Variants in NRG3 observed in about 807,000 individuals in gnomAD.
NRG3 encodes the protein pro-neuregulin-3, membrane-bound isoform.
A neutral mutation model predicts 66.9 loss-of-function variants in NRG3; 31 were observed. The observed-to-expected ratio is 0.46, with a 90% CI of 0.35 to 0.63. The LOEUF is 0.63. NRG3 is among the 20% of genes least tolerant of loss of function. The pLI is 0.00. For synonymous variants in NRG3, 393 were observed against 359.4 expected (o/e 1.09, Z -1.06); for missense variants, 910 against 878.9 (o/e 1.04, Z -0.45).
At chr10:82,737,937 T>A (rs2058234086) in intron 2 of NRG3, among the ~76,000 whole-genome samples, 1 of 152,180 alleles carries the variant, frequency 6.6e-6, no homozygotes, top group African/African-American at 2.4e-5. Flanking sequence ...CACTTTGCAC[T>A]TGTTTACTGA....
intron 2 of NRG3, among the ~76,000 whole-genome samples, chr10:82,444,725 A>G (rs1187957704): frequency 6.6e-6 from 1 of 152,194 alleles, no homozygotes; most frequent in Non-Finnish European, 1.5e-5. Context: ...AAAAGTTTTC[A>G]TTGAAACTAT....
rs79703943 is a variant in NRG3 at position 82,483,277 on chromosome 10, A to G, written c.953+124409A>G. On this transcript the variant is annotated intron_variant, in intron 2 of 8. Transcript: ENST00000372141. ...ATGGAAAAGAAAACATGATTTGCAT[A>G]CAGAGTCAGGTGAGTGCAGTGGTGA... is the stretch of plus-strand genomic sequence containing the variant. Among the ~76,000 whole-genome samples the G allele has an allele frequency of 2.7e-3, 409 of 152,312 alleles. 1 individual carries two copies. Among genetic ancestry groups the G allele is most frequent in the African/African-American group, 9.4e-3 (390 of 41,576 alleles).
intron 1 of NRG3, among the ~76,000 whole-genome samples, chr10:82,260,095 A>G (rs2077945918): frequency 6.6e-6 from 1 of 152,248 alleles, no homozygotes; most frequent in African/African-American, 2.4e-5. Flanking sequence ...AAAGTTGCCT[A>G]GACAGGGTTG....
chr10:82,524,982 T>C (rs1306489131), intron 2 of NRG3, among the ~76,000 whole-genome samples: 1 of 151,926 alleles, frequency 6.6e-6, no homozygotes, highest in African/African-American at 2.4e-5. Flanking sequence ...ATGTGTTTAC[T>C]AATATGTTAG....
chr10:82,474,829 A>C (rs1381895233), intron 2 of NRG3, among the ~76,000 whole-genome samples: 1 of 152,170 alleles, frequency 6.6e-6, no homozygotes, highest in Non-Finnish European at 1.5e-5. Flanking sequence ...ACAAATTATA[A>C]TAAAAGTATT....
intron 2 of NRG3, among the ~76,000 whole-genome samples, chr10:82,371,811 G>A (rs549922065): frequency 2.6e-5 from 4 of 152,318 alleles, no homozygotes; most frequent in South Asian, 2.1e-4. Flanking sequence ...GAGGGAACCA[G>A]TGGTGAGGTG....
chr10:82,252,085 C>G (rs2077514019), intron 1 of NRG3, among the ~76,000 whole-genome samples: 1 of 152,216 alleles, frequency 6.6e-6, no homozygotes, highest in Non-Finnish European at 1.5e-5. Flanking sequence ...GGCTCCCAAC[C>G]AGCTCAGGGG....
intron 2 of NRG3, among the ~76,000 whole-genome samples, chr10:82,434,978 T>C (rs565886658): frequency 6.6e-6 from 1 of 152,120 alleles, no homozygotes; most frequent in South Asian, 2.1e-4. Flanking sequence ...TAGGGAGGAG[T>C]CTCTCCTTTT....
intron 1 of NRG3, among the ~76,000 whole-genome samples, chr10:82,251,674 G>A (rs553212239): frequency 6.7e-4 from 102 of 152,228 alleles, no homozygotes; most frequent in Admixed American, 1.4e-3. Context: ...GTGGGATTTC[G>A]AGATTTTCAA....
At chr10:81,975,113 A>G (rs1201316141) in intron 1 of NRG3, among the ~76,000 whole-genome samples, 1 of 152,134 alleles carries the variant, frequency 6.6e-6, no homozygotes, top group Non-Finnish European at 1.5e-5. Context: ...TTGAAAAAAA[A>G]AAGAAAAACA....
At chr10:82,439,616 A>G (rs1026835667) in intron 2 of NRG3, among the ~76,000 whole-genome samples, 1 of 152,070 alleles carries the variant, frequency 6.6e-6, no homozygotes, top group Non-Finnish European at 1.5e-5. Context: ...CTTAATTTAC[A>G]TATCCTATTA....
intron 2 of NRG3, among the ~76,000 whole-genome samples, chr10:82,700,563 C>T (rs947495887): frequency 1.6e-4 from 24 of 152,152 alleles, no homozygotes; most frequent in African/African-American, 5.8e-4. Flanking sequence ...GTTGGTATTA[C>T]AATCAGATCA....
intron 6 of NRG3, among the ~76,000 whole-genome samples, chr10:82,968,256 A>G (rs1031666124): frequency 3.3e-5 from 5 of 152,204 alleles, no homozygotes; most frequent in Non-Finnish European, 7.3e-5. Context: ...GACTCTTATC[A>G]TGCTTCCACA....
At chr10:82,684,739 G>C (rs1303588840) in intron 2 of NRG3, among the ~76,000 whole-genome samples, 1 of 152,266 alleles carries the variant, frequency 6.6e-6, no homozygotes, top group South Asian at 2.1e-4. Flanking sequence ...AGGAGGGCAA[G>C]AGATGCTGTA....
chr10:82,738,799 A>C, intron 3 of NRG3, 149 bp downstream of exon 3: 1 of 705,694 alleles, frequency 1.4e-6, no homozygotes, highest in East Asian at 2.7e-5. Flanking sequence ...GTTGATGTTC[A>C]AAGCATCCTC....
chr10:82,863,978 T>C (rs909293306), intron 3 of NRG3, among the ~76,000 whole-genome samples: 1 of 152,186 alleles, frequency 6.6e-6, no homozygotes, highest in African/African-American at 2.4e-5. Context: ...AATAAATGAA[T>C]GCATCTACTT....
At chr10:82,124,546 C>T (rs1037541038) in intron 1 of NRG3, among the ~76,000 whole-genome samples, 1 of 151,670 alleles carries the variant, frequency 6.6e-6, no homozygotes, top group Non-Finnish European at 1.5e-5. Context: ...AGGGGAACGT[C>T]ACACAACGGG....
At chr10:82,895,709 C>T (rs1379142445) in intron 4 of NRG3, among the ~76,000 whole-genome samples, 2 of 152,090 alleles carry the variant, frequency 1.3e-5, no homozygotes. Context: ...CCAGGATGGT[C>T]TCGATCTCCT....
intron 2 of NRG3, among the ~76,000 whole-genome samples, chr10:82,556,274 A>G (rs1167864635): frequency 6.6e-6 from 1 of 151,840 alleles, no homozygotes; most frequent in Non-Finnish European, 1.5e-5. Flanking sequence ...GCCCTCTCCT[A>G]TGTTATCTCA....
Sources: allele counts gnomAD v4.1 joint callset (sites outside exome capture counted in the v4.1 genomes callset), GRCh38; gene constraint gnomAD v4.1.1; transcripts MANE v1.5; gene names NCBI Gene and HGNC (gene_info 2026-07-23, HGNC 2026-07-21).